AGMO: variants seen among roughly 807,000 people sequenced by gnomAD.
AGMO encodes the protein alkylglycerol monooxygenase.
In AGMO, 75 loss-of-function variants were observed where a neutral mutation model predicts 60.2. That is an observed-to-expected ratio of 1.25 (90% CI 1.03 to 1.51). The LOEUF (loss-of-function observed/expected upper bound fraction) is 1.51. Among genes scored for constraint, AGMO ranks in the 40% most tolerant of loss-of-function variants. The pLI is 0.00. For missense variants in AGMO, 763 were observed against 525.5 expected (o/e 1.45, Z -4.42); for synonymous variants, 261 against 177.1 (o/e 1.47, Z -3.76).
chr7:15,417,033 C>G (rs543827088), intron 5 of AGMO, among the ~76,000 whole-genome samples: 1 of 152,096 alleles, frequency 6.6e-6, no homozygotes, highest in Non-Finnish European at 1.5e-5. Flanking sequence ...GTATAATAAA[C>G]GAATGTAACT....
chr7:15,279,915 C>T (rs1401051756), intron 12 of AGMO, among the ~76,000 whole-genome samples: 3 of 152,196 alleles, frequency 2.0e-5, no homozygotes, highest in Non-Finnish European at 4.4e-5. Context: ...TTTCAATCTC[C>T]AGCATGGACC....
At chr7:15,164,450 T>C in the AGMO span, among the ~76,000 whole-genome samples, 6 of 151,938 alleles carry the variant, frequency 3.9e-5, no homozygotes, top group Non-Finnish European at 7.4e-5. Context: ...ACAGAGTATA[T>C]AGACAATCCA....
At chr7:15,136,943 C>A in the AGMO span, among the ~76,000 whole-genome samples, 2 of 152,136 alleles carry the variant, frequency 1.3e-5, no homozygotes, top group Non-Finnish European at 2.9e-5. Flanking sequence ...TCTCTAGGTT[C>A]CATGACTTCT....
At chr7:15,489,698 G>C (rs574745255) in intron 3 of AGMO, among the ~76,000 whole-genome samples, 20 of 152,142 alleles carry the variant, frequency 1.3e-4, no homozygotes, top group Non-Finnish European at 2.8e-4. Flanking sequence ...GTTGAAATGA[G>C]TGCGTTCATC....
intron 3 of AGMO, among the ~76,000 whole-genome samples, chr7:15,458,039 G>A (rs1782043400): frequency 2.0e-5 from 3 of 152,136 alleles, no homozygotes. Flanking sequence ...TCTCTCACTT[G>A]CCTACAAGAA....
intron 3 of AGMO, among the ~76,000 whole-genome samples, chr7:15,540,804 A>T (rs1288838791): frequency 1.3e-5 from 2 of 152,228 alleles, no homozygotes; most frequent in Non-Finnish European, 2.9e-5. Context: ...AAACCAAGAA[A>T]TTGCATTGGT....
At chr7:15,157,582 T>C in the AGMO span, among the ~76,000 whole-genome samples, 17 of 152,276 alleles carry the variant, frequency 1.1e-4, no homozygotes, top group East Asian at 1.7e-3. Flanking sequence ...CCCACCCCTG[T>C]AGACACAGAG....
the AGMO span, among the ~76,000 whole-genome samples, chr7:15,175,471 G>A: frequency 1.3e-5 from 2 of 151,868 alleles, no homozygotes; most frequent in Non-Finnish European, 2.9e-5. Flanking sequence ...TACAGTGGAA[G>A]AAAACAATAA....
At chr7:15,365,866 G>C (rs186483872) in intron 11 of AGMO, among the ~76,000 whole-genome samples, 63 of 152,026 alleles carry the variant, frequency 4.1e-4, no homozygotes, top group African/African-American at 1.4e-3. Context: ...TTTATTTTCA[G>C]CTAATAAATA....
intron 12 of AGMO, among the ~76,000 whole-genome samples, chr7:15,341,852 C>A (rs1181688086): frequency 6.6e-6 from 1 of 152,030 alleles, no homozygotes; most frequent in East Asian, 1.9e-4. Context: ...TGCAGGGGAA[C>A]TGACCTTTAT....
chr7:15,560,701 C>A (rs1171979657), intron 1 of AGMO, among the ~76,000 whole-genome samples: 1 of 152,138 alleles, frequency 6.6e-6, no homozygotes, highest in African/African-American at 2.4e-5. Flanking sequence ...CTTACCAGAA[C>A]TATTTCTAAT....
intron 2 of AGMO, among the ~76,000 whole-genome samples, chr7:15,547,851 C>G (rs1183728749): frequency 6.6e-6 from 1 of 152,092 alleles, no homozygotes; most frequent in African/African-American, 2.4e-5. Flanking sequence ...GTAGGCTCCA[C>G]CTCTGGGGGC....
chr7:15,358,384 G>T (rs750347861), intron 12 of AGMO: 52 of 470,468 alleles, frequency 1.1e-4, no homozygotes, highest in Non-Finnish European at 3.5e-5. Flanking sequence ...TGATAACGTG[G>T]AAAGGATAAT....
At chr7:15,199,259 T>C (rs76952667), downstream of AGMO, among the ~76,000 whole-genome samples, 1,680 of 152,260 alleles carry the variant, frequency 0.011, 43 homozygotes, top group African/African-American at 0.039. Context: ...ATCTTGAAAA[T>C]ATCTGTATTT....
intron 3 of AGMO, among the ~76,000 whole-genome samples, chr7:15,473,180 C>T (rs1264559405): frequency 1.3e-5 from 2 of 151,960 alleles, no homozygotes; most frequent in East Asian, 3.9e-4. Flanking sequence ...CACATACACC[C>T]TCCCAAGACT....
chr7:15,147,292 T>C, the AGMO span, among the ~76,000 whole-genome samples: 1 of 152,132 alleles, frequency 6.6e-6, no homozygotes, highest in African/African-American at 2.4e-5. Context: ...GGGTAATTTA[T>C]AAAGGAAAGA....
intron 12 of AGMO, among the ~76,000 whole-genome samples, chr7:15,271,741 T>C (rs190331424): frequency 1.4e-3 from 208 of 152,228 alleles, no homozygotes; most frequent in African/African-American, 4.8e-3. Context: ...TTTTTTCTTG[T>C]TCTGGTTCTT....
intron 12 of AGMO, chr7:15,306,470 G>C (rs1780617448): frequency 2.1e-6 from 1 of 467,644 alleles, no homozygotes; most frequent in South Asian, 1.6e-5. Flanking sequence ...AATGCACTTT[G>C]GGGTGGTTTC....
intron 4 of AGMO, among the ~76,000 whole-genome samples, chr7:15,418,965 T>G (rs142189837): frequency 4.7e-4 from 72 of 152,060 alleles, no homozygotes; most frequent in Non-Finnish European, 7.4e-4. Context: ...GGATGTTTTA[T>G]GTACACACAA....
Sources: allele counts gnomAD v4.1 joint callset (sites outside exome capture counted in the v4.1 genomes callset), GRCh38; gene constraint gnomAD v4.1.1; transcripts MANE v1.5; gene names NCBI Gene and HGNC (gene_info 2026-07-23, HGNC 2026-07-21).